USP49: variants seen among roughly 807,000 people sequenced by gnomAD.
The protein encoded by USP49 is ubiquitin specific peptidase 49.
A neutral mutation model predicts 58.6 loss-of-function variants in USP49; 24 were observed. The ratio of observed to expected loss-of-function variants is 0.41; its 90% CI spans 0.30 to 0.58. The LOEUF is 0.58. Ranked by LOEUF, USP49 falls within the 20% of genes least tolerant of loss-of-function variation. The probability of loss-of-function intolerance (pLI) is 0.30; values close to 1 mark genes in which losing one functional copy is unlikely to be tolerated. For synonymous variants in USP49, 408 were observed against 365.1 expected (o/e 1.12, Z -1.34); for missense variants, 703 against 866.1 (o/e 0.81, Z 2.36).
In USP49 at chr6:41,792,801, G is replaced by A. The variant is rs980990752; in HGVS notation, c.*3732C>T. 1 of 152,212 alleles carries A rather than the reference G, an allele frequency of 6.6e-6. No individual in the cohort carries two copies. Among genetic ancestry groups the A allele is most frequent in the African/African-American group, 2.4e-5 (1 of 41,466 alleles). The allele number at this position is 152,212 out of a possible 1,614,324, so 9.4% of individuals were successfully genotyped here. A position where few individuals can be genotyped will look rare whatever the true frequency, so the allele number is the denominator to read the frequency against. ...CATTTGCCACTTGAAATGACAAGAA[G>A]AAATCCTTTCCCTTAATCTTTTCAA... On this transcript the variant is annotated 3_prime_UTR_variant, in exon 8 of 8. Coordinates refer to ENST00000682992, the MANE Select transcript of USP49 (RefSeq NM_001286554.2).
intron 5 of USP49, among the ~76,000 whole-genome samples, chr6:41,802,407 T>TTTA (rs1313279388): frequency 0.077 from 5,785 of 74,840 alleles, 267 homozygotes; most frequent in Non-Finnish European, 0.11. Context: ...TTTATTTTAT[T>TTTA]TTTTATTTTA....
rs1039016439 is a variant in USP49 at position 41,865,206 on chromosome 6, G to A, written c.-29+6358C>T. Among the ~76,000 whole-genome samples the A allele has an allele frequency of 5.3e-5, 8 of 152,012 alleles. No homozygotes were observed. The South Asian group carries it at 6.2e-4, about 12-fold the overall frequency. On this transcript the variant is annotated intron_variant, in intron 3 of 7. Coordinates refer to ENST00000682992, the MANE Select transcript of USP49 (RefSeq NM_001286554.2). ...ATTACAGGCACCCGCCATCATGCCC[G>A]GCTAATTTTTGTATTTTTTGTAGAG...
chr6:41,882,357 T>C lies in USP49; in HGVS notation c.-103+9437A>G, dbSNP rs985782248. Among the ~76,000 whole-genome samples, 3 of 152,350 alleles carry C rather than the reference T, an allele frequency of 2.0e-5. No individual in the cohort carries two copies. In the South Asian group the frequency reaches 6.2e-4, roughly 32 times the overall value. On this transcript the variant is annotated intron_variant, in intron 2 of 7. Transcript: ENST00000682992. Reference sequence around the variant, plus strand: ...GAAACTTGATTTACAATAAGGGTGTTACTACAAATCAACTGGAAGGTTCAG... The same window carrying C: ...GAAACTTGATTTACAATAAGGGTGTCACTACAAATCAACTGGAAGGTTCAG...
intron 3 of USP49, among the ~76,000 whole-genome samples, chr6:41,813,111 C>T (rs1442386141): frequency 6.6e-6 from 1 of 152,142 alleles, no homozygotes; most frequent in African/African-American, 2.4e-5. Flanking sequence ...AATTTTAAGT[C>T]ACATGTGGCT....
rs566555139 is a variant in USP49 at position 41,847,390 on chromosome 6, G to A, written c.-29+24174C>T. Among the ~76,000 whole-genome samples the A allele has an allele frequency of 2.6e-5, 4 of 152,238 alleles. No individual in the cohort carries two copies. In the South Asian group the frequency reaches 6.2e-4, roughly 24 times the overall value. On this transcript the variant is annotated intron_variant, in intron 3 of 7. Coordinates refer to ENST00000682992, the MANE Select transcript of USP49 (RefSeq NM_001286554.2). ...AATAACTGAACTGAAAAATTTATTA[G>A]AGGGGTTCAATAGCAGGTTTAATCA...
intron 2 of USP49, among the ~76,000 whole-genome samples, chr6:41,872,507 GT>G (rs1181940202): frequency 6.6e-6 from 1 of 151,976 alleles, no homozygotes; most frequent in African/African-American, 2.4e-5. Flanking sequence ...TTATCTTTCT[GT>G]CCTCCCCAAG....
At chr6:41,839,564 C>CA (rs137975096) in intron 3 of USP49, among the ~76,000 whole-genome samples, 23 of 147,540 alleles carry the variant, frequency 1.6e-4, no homozygotes, top group East Asian at 4.0e-4. Context: ...TAAATTGAAA[C>CA]AAAAAAAAAT....
chr6:41,855,581 A>C (rs991320332), intron 3 of USP49, among the ~76,000 whole-genome samples: 2 of 152,212 alleles, frequency 1.3e-5, no homozygotes, highest in Non-Finnish European at 2.9e-5. Context: ...GCACTCTGCA[A>C]AATGGTTAAG....
At chr6:41,857,506 C>G (rs1774151228) in intron 3 of USP49, among the ~76,000 whole-genome samples, 1 of 152,148 alleles carries the variant, frequency 6.6e-6, no homozygotes, top group Admixed American at 6.6e-5. Flanking sequence ...ATTAGCCAGG[C>G]ATAGTGGTGC....
At chr6:41,825,441 A>AG (rs1773521807) in intron 3 of USP49, among the ~76,000 whole-genome samples, 1 of 86,508 alleles carries the variant, frequency 1.2e-5, no homozygotes, top group South Asian at 4.7e-4. Flanking sequence ...CACTTAAAAG[A>AG]AAAAAAAAAA....
Position 41,794,073 on chromosome 6 carries a change from G to A in USP49, c.*2460C>T, listed in dbSNP as rs773985009. 2.0e-5 allele frequency: 3 copies of A among 152,198 alleles called. No individual in the cohort carries two copies. The highest frequency in any genetic ancestry group is 4.4e-5 in the Non-Finnish European group (3 of 68,034). The allele number at this position is 152,198 out of a possible 1,614,324, so 9.4% of individuals were successfully genotyped here. ...GCAAAGGGACATTTCCCTCACAATAGCCATTGGCTTATGCAGCAGGGAACT... is the reference window on the plus strand; with the variant it reads ...GCAAAGGGACATTTCCCTCACAATAACCATTGGCTTATGCAGCAGGGAACT... On this transcript the variant is annotated 3_prime_UTR_variant, in exon 8 of 8. Coordinates refer to ENST00000682992, the MANE Select transcript of USP49 (RefSeq NM_001286554.2).
chr6:41,823,933 C>T (rs1773493981), intron 3 of USP49, among the ~76,000 whole-genome samples: 1 of 152,040 alleles, frequency 6.6e-6, no homozygotes, highest in Non-Finnish European at 1.5e-5. Context: ...TCCTCCATAC[C>T]ATTCTAAATT....
intron 3 of USP49, among the ~76,000 whole-genome samples, chr6:41,828,065 G>C (rs1417557101): frequency 2.0e-5 from 3 of 151,986 alleles, no homozygotes; most frequent in Non-Finnish European, 2.9e-5. Context: ...TGTATCTATT[G>C]GCTATTTTTT....
chr6:41,886,777 T>TA (rs1423197777), intron 2 of USP49, among the ~76,000 whole-genome samples: 1 of 152,166 alleles, frequency 6.6e-6, no homozygotes. Context: ...TGCATGCCTG[T>TA]AGTCCTAGCT....
intron 3 of USP49, among the ~76,000 whole-genome samples, chr6:41,840,151 G>C (rs1422998606): frequency 2.0e-5 from 3 of 151,818 alleles, no homozygotes; most frequent in Admixed American, 2.0e-4. Flanking sequence ...GAGGTGGGCG[G>C]ATCGTGAGGT....
chr6:41,866,561 G>A (rs1774322846), intron 3 of USP49, among the ~76,000 whole-genome samples: 1 of 152,214 alleles, frequency 6.6e-6, no homozygotes, highest in Admixed American at 6.5e-5. Flanking sequence ...ATCAGTGGGA[G>A]AGACATCATG....
Position 41,806,445 on chromosome 6 carries a change from C to A in USP49, c.539G>T (p.Arg180Leu). 2 of 1,585,700 alleles carry A rather than the reference C, an allele frequency of 1.3e-6. No individual in the cohort carries two copies. The highest frequency in any genetic ancestry group is 1.7e-6 in the Non-Finnish European group (2 of 1,174,616). The change falls in exon 4 of 8, where the codon CGC (arginine) becomes CTC (leucine). Residue 180 changes from arginine to leucine, a missense_variant. Transcript: ENST00000682992. This position sits in a 1 kb window ranked among gnomAD's most constrained non-coding sequence, Gnocchi z 5.9. ...EQRRQEEALE[R>L]KKEEARRRRR... ...CCGCCTCCGCGCCTCCTCCTTCTTGCGCTCCAGGGCCTCCTCCTGCCGCCG... is the reference window on the plus strand; with the variant it reads ...CCGCCTCCGCGCCTCCTCCTTCTTGAGCTCCAGGGCCTCCTCCTGCCGCCG...
At chr6:41,834,586 G>C (rs1041892867) in intron 3 of USP49, among the ~76,000 whole-genome samples, 1 of 152,132 alleles carries the variant, frequency 6.6e-6, no homozygotes, top group African/African-American at 2.4e-5. Context: ...CCATCCTCTT[G>C]AAGCTGTTCT....
At chr6:41,865,769 G>T (rs1182446988) in intron 3 of USP49, among the ~76,000 whole-genome samples, 1 of 143,722 alleles carries the variant, frequency 7.0e-6, no homozygotes, top group East Asian at 2.1e-4. Flanking sequence ...TTCCTGAGTA[G>T]CTAGGACTAT....
Sources: allele counts gnomAD v4.1 joint callset (sites outside exome capture counted in the v4.1 genomes callset), GRCh38; gene constraint gnomAD v4.1.1; non-coding constraint Gnocchi (gnomAD v3.1); transcripts MANE v1.5; gene names NCBI Gene and HGNC (gene_info 2026-07-23, HGNC 2026-07-21).